The following NELL1 variants were observed in gnomAD, a reference collection of about 807,000 sequenced individuals.
The protein encoded by NELL1 is neural EGFL like 1.
In NELL1, 76 loss-of-function variants were observed where a neutral mutation model predicts 107.4. The observed-to-expected ratio is 0.71, with a 90% confidence interval of 0.59 to 0.86. The LOEUF is 0.86. NELL1 is among the 40% of genes least tolerant of loss of function. The pLI, the probability that NELL1 is intolerant of heterozygous loss-of-function variation, is 0.00. For missense variants in NELL1, 1,024 were observed against 1,005.5 expected, an observed-to-expected ratio of 1.02 and a Z score of -0.25; for synonymous variants, 353 against 341.2, an observed-to-expected ratio of 1.03 and a Z score of -0.38.
intron 14 of NELL1, among the ~76,000 whole-genome samples, chr11:21,313,501 A>G (rs746777584): frequency 3.4e-4 from 52 of 152,136 alleles, no homozygotes; most frequent in Admixed American, 9.8e-4. Context: ...TCTGCTTTCC[A>G]AGGTTTAAAT....
intron 2 of NELL1, among the ~76,000 whole-genome samples, chr11:20,739,158 G>A (rs1160638750): frequency 6.6e-6 from 1 of 152,240 alleles, no homozygotes; most frequent in Non-Finnish European, 1.5e-5. Flanking sequence ...AGAAAGCTCT[G>A]TTGGACGCAC....
At chr11:21,551,716 G>A (rs1454302802) in intron 16 of NELL1, among the ~76,000 whole-genome samples, 2 of 151,478 alleles carry the variant, frequency 1.3e-5, no homozygotes, top group Non-Finnish European at 3.0e-5. Context: ...AACCATTGTG[G>A]AAGTCAGTGT....
chr11:21,046,883 C>CG lies in NELL1; in HGVS notation c.1301-66706_1301-66705insG, dbSNP rs1554962299. 4.0e-4 allele frequency among the ~76,000 whole-genome samples: 57 copies of CG among 141,274 alleles called. No individual in the cohort carries two copies. The South Asian group carries it at 4.1e-3, about 10-fold the overall frequency. The allele number at this position is 141,274 out of a possible 152,430, so 92.7% of individuals were successfully genotyped here. On this transcript the variant is annotated intron_variant, in intron 12 of 19. Transcript: ENST00000357134. ...CCACCATGCCTGGCTAATTTTTAAA[C>CG]TTTTTTTTTTTTTTGTAGAGATGGG...
chr11:21,410,858 G>A (rs1305026775), intron 15 of NELL1, among the ~76,000 whole-genome samples: 1 of 152,090 alleles, frequency 6.6e-6, no homozygotes, highest in Non-Finnish European at 1.5e-5. Context: ...GCTATGGCTG[G>A]TGGCTGATAA....
chr11:21,190,412 A>G (rs141119355), intron 13 of NELL1, among the ~76,000 whole-genome samples: 14 of 151,958 alleles, frequency 9.2e-5, no homozygotes, highest in Non-Finnish European at 8.8e-5. Context: ...GGAATTCACA[A>G]CTAGGAGCAT....
At chr11:21,202,865 C>A (rs1055134697) in intron 13 of NELL1, among the ~76,000 whole-genome samples, 7 of 151,872 alleles carry the variant, frequency 4.6e-5, no homozygotes, top group Non-Finnish European at 7.3e-5. Context: ...TTTATTTCTG[C>A]CTTAATTTCA....
At chr11:21,148,841 T>G (rs1856046036) in intron 13 of NELL1, among the ~76,000 whole-genome samples, 1 of 152,236 alleles carries the variant, frequency 6.6e-6, no homozygotes, top group Admixed American at 6.5e-5. Context: ...ATAGGCCCAG[T>G]GATAACATAA....
At chr11:21,553,207 A>G (rs1052098126) in intron 16 of NELL1, among the ~76,000 whole-genome samples, 1 of 151,876 alleles carries the variant, frequency 6.6e-6, no homozygotes, top group African/African-American at 2.4e-5. Flanking sequence ...ATGATCTGTC[A>G]AAATAGAGAG....
At chr11:21,011,366 C>G (rs1304030322) in intron 12 of NELL1, among the ~76,000 whole-genome samples, 1 of 152,032 alleles carries the variant, frequency 6.6e-6, no homozygotes, top group East Asian at 1.9e-4. Context: ...TGATCAACAC[C>G]TATGAAAGGA....
chr11:21,372,495 C>T (rs1851378614), intron 15 of NELL1, among the ~76,000 whole-genome samples: 1 of 151,804 alleles, frequency 6.6e-6, no homozygotes, highest in African/African-American at 2.4e-5. Context: ...TATTATTACT[C>T]TTATATGTAA....
At chr11:20,816,382 C>T (rs1857623929) in intron 3 of NELL1, among the ~76,000 whole-genome samples, 1 of 151,904 alleles carries the variant, frequency 6.6e-6, no homozygotes, top group African/African-American at 2.4e-5. Flanking sequence ...AGACTTATTC[C>T]TAGGTATTTT....
At chr11:21,288,742 A>G (rs1429649578) in intron 14 of NELL1, among the ~76,000 whole-genome samples, 1 of 152,202 alleles carries the variant, frequency 6.6e-6, no homozygotes, top group Non-Finnish European at 1.5e-5. Flanking sequence ...ATGACCAGCA[A>G]TTATTTGTCA....
At chr11:20,810,826 T>C (rs1055592011) in intron 3 of NELL1, among the ~76,000 whole-genome samples, 32 of 152,106 alleles carry the variant, frequency 2.1e-4, no homozygotes, top group African/African-American at 6.3e-4. Flanking sequence ...TAGTTTCCAT[T>C]CCCACCAGCA....
In NELL1 at chr11:21,047,119, T is replaced by C. The variant is rs1023474939; in HGVS notation, c.1301-66470T>C. Reference sequence around the variant, plus strand: ...CTGTTGGAGACTGGAGGATCCCTGATAACATACCCATGAACTTTTAGGCTT... The same window carrying C: ...CTGTTGGAGACTGGAGGATCCCTGACAACATACCCATGAACTTTTAGGCTT... On this transcript the variant is annotated intron_variant, in intron 12 of 19. Transcript: ENST00000357134. 8.7e-4 allele frequency among the ~76,000 whole-genome samples: 133 copies of C among 152,160 alleles called. 1 individual carries two copies. The highest frequency in any genetic ancestry group is 2.8e-4 in the Non-Finnish European group (19 of 68,020).
chr11:21,005,956 T>A (rs887817367), intron 12 of NELL1, among the ~76,000 whole-genome samples: 17 of 152,048 alleles, frequency 1.1e-4, no homozygotes, highest in Admixed American at 3.3e-4. Flanking sequence ...CAGTTATTAG[T>A]GGCCTTGAGC....
rs1393637693 is a variant in NELL1, at chr11:20,755,546, TTTTGTTTTTG to T, written c.185-28130_185-28121del. On this transcript the variant is annotated intron_variant, in intron 2 of 19. Coordinates refer to ENST00000357134, the MANE Select transcript of NELL1 (RefSeq NM_006157.5). ...AAGACCTGTGTGGGTTTTTGTTTTT[TTTTGTTTTTG>T]TTTTTGTTTTTTTTTTTTTGAGACA... Among the ~76,000 whole-genome samples the T allele has an allele frequency of 6.6e-5, 3 of 45,532 alleles. No homozygotes were observed. In the South Asian group the frequency reaches 3.3e-3, roughly 51 times the overall value. The allele number at this position is 45,532 out of a possible 152,430, so 29.9% of individuals were successfully genotyped here. A position where few individuals can be genotyped will look rare whatever the true frequency, so the allele number is the denominator to read the frequency against.
chr11:21,461,415 C>T (rs1290567438), intron 15 of NELL1, among the ~76,000 whole-genome samples: 1 of 152,072 alleles, frequency 6.6e-6, no homozygotes, highest in Non-Finnish European at 1.5e-5. Context: ...CATTTCCTAA[C>T]ATGCTTTATG....
chr11:21,090,245 C>T (rs561373337), intron 12 of NELL1, among the ~76,000 whole-genome samples: 3 of 152,088 alleles, frequency 2.0e-5, no homozygotes, highest in African/African-American at 7.2e-5. Flanking sequence ...CAGTATTCAA[C>T]GACCTCATTT....
intron 16 of NELL1, 34 bp downstream of exon 16, chr11:21,534,548 T>G (rs1244615639): frequency 6.2e-7 from 1 of 1,611,084 alleles, no homozygotes; most frequent in Non-Finnish European, 8.5e-7. Flanking sequence ...TCCAACTGCT[T>G]GGACCTTTGC....
Sources: gnomAD v4.1 joint callset for allele counts (sites outside exome capture counted in the v4.1 genomes callset) on GRCh38, gnomAD v4.1.1 for gene constraint, MANE v1.5 for transcripts, NCBI Gene and HGNC (gene_info 2026-07-23, HGNC 2026-07-21) for gene names.